CPSF2: variants seen among roughly 807,000 people sequenced by gnomAD.
CPSF2 encodes the protein cleavage and polyadenylation specificity factor subunit 2.
CPSF2 carries 51 observed loss-of-function variants against 84.2 expected under a neutral mutation model. The observed-to-expected ratio is 0.61, with a 90% CI of 0.48 to 0.77. CPSF2 has a LOEUF of 0.77. Among genes scored for constraint, CPSF2 ranks in the 30% least tolerant of loss-of-function variants. The pLI, the probability that CPSF2 is intolerant of heterozygous loss-of-function variation, is 0.00. For synonymous variants in CPSF2, 286 were observed against 311.9 expected (o/e 0.92, Z 0.87); for missense variants, 641 against 929.4 (o/e 0.69, Z 4.03).
chr14:92,125,266 C>T (rs886669942), intron 1 of CPSF2, among the ~76,000 whole-genome samples: 2 of 152,072 alleles, frequency 1.3e-5, no homozygotes, highest in East Asian at 1.9e-4. Context: ...ATGTGCAAAG[C>T]GTTCCTGAGG....
rs986396359 is a variant in CPSF2 at position 92,168,904 on chromosome 14, T to C, written c.*7160T>C. 3 of 152,178 alleles carry C rather than the reference T, an allele frequency of 2.0e-5. No individual in the cohort carries two copies. Among genetic ancestry groups the C allele is most frequent in the Non-Finnish European group, 4.4e-5 (3 of 68,022 alleles). The allele number at this position is 152,178 out of a possible 1,614,324, so 9.4% of individuals were successfully genotyped here. On this transcript the variant is annotated 3_prime_UTR_variant, in exon 16 of 16. Transcript: ENST00000298875. ...ATATAGTCAAAGAGAACCAAAAATG[T>C]ATGTGCTTTTTTTGTGAAATTGTTA... is the stretch of plus-strand genomic sequence containing the variant.
chr14:92,137,328 G>A (rs935981768), intron 6 of CPSF2, among the ~76,000 whole-genome samples: 1 of 151,946 alleles, frequency 6.6e-6, no homozygotes, highest in African/African-American at 2.4e-5. Flanking sequence ...TCCCATTTTA[G>A]CCTCCCAAGT....
At chr14:92,123,950 C>T (rs1325380875) in intron 1 of CPSF2, among the ~76,000 whole-genome samples, 1 of 152,198 alleles carries the variant, frequency 6.6e-6, no homozygotes, top group Non-Finnish European at 1.5e-5. Context: ...AAATAACTAA[C>T]TTTGCCTAGG....
chr14:92,161,300 C>T (rs1159237451), intron 15 of CPSF2, 54 bp downstream of exon 15: 1 of 1,526,894 alleles, frequency 6.5e-7, no homozygotes, highest in Non-Finnish European at 8.8e-7. Context: ...GATGTTTTGT[C>T]ATTTTGAAAT....
chr14:92,140,279 C>A (rs2069059067), intron 7 of CPSF2, among the ~76,000 whole-genome samples: 1 of 151,742 alleles, frequency 6.6e-6, no homozygotes, highest in Non-Finnish European at 1.5e-5. Flanking sequence ...TAATAATATA[C>A]CGTGTTGCAC....
chr14:92,163,371 T>TAAAC lies in CPSF2; in HGVS notation c.*1630_*1631insCAAA, dbSNP rs11474669. On this transcript the variant is annotated 3_prime_UTR_variant, in exon 16 of 16. Coordinates refer to ENST00000298875, the MANE Select transcript of CPSF2 (RefSeq NM_017437.3). ...CAGACTTTTGATATGGAAAACCAGA[T>TAAAC]AAAACAATGTTACAAAAGGCAAATA... 51,121 of 145,048 alleles carry TAAAC rather than the reference T, an allele frequency of 0.35. 9,894 individuals are homozygous for TAAAC. The highest frequency in any genetic ancestry group is 0.63 in the East Asian group (2,343 of 3,734). The allele number at this position is 145,048 out of a possible 1,614,324, so 9.0% of individuals were successfully genotyped here.
At chr14:92,141,653 A>G (rs1196095287) in intron 7 of CPSF2, among the ~76,000 whole-genome samples, 3 of 152,110 alleles carry the variant, frequency 2.0e-5, no homozygotes, top group Non-Finnish European at 4.4e-5. Context: ...GGACCTGGGC[A>G]TCTGATGGTT....
intron 6 of CPSF2, among the ~76,000 whole-genome samples, chr14:92,137,089 A>G (rs1191976515): frequency 6.6e-6 from 1 of 152,166 alleles, no homozygotes; most frequent in Non-Finnish European, 1.5e-5. Flanking sequence ...TATATATAAG[A>G]TCAAGTATTA....
intron 9 of CPSF2, among the ~76,000 whole-genome samples, chr14:92,150,998 C>T (rs1292746907): frequency 6.6e-6 from 1 of 152,148 alleles, no homozygotes; most frequent in Non-Finnish European, 1.5e-5. Context: ...AAAATATTGT[C>T]AACATTTGTA....
intron 1 of CPSF2, among the ~76,000 whole-genome samples, chr14:92,123,404 G>A (rs1017720327): frequency 2.0e-5 from 3 of 148,464 alleles, no homozygotes; most frequent in African/African-American, 7.5e-5. Context: ...GCGCCTGGCC[G>A]ATTTATTATT....
intron 9 of CPSF2, 34 bp downstream of exon 9, chr14:92,143,328 T>C: frequency 7.4e-7 from 1 of 1,342,690 alleles, no homozygotes; most frequent in Non-Finnish European, 1.0e-6. Context: ...ATCTTAAAAC[T>C]GTTTGGGGGA....
In CPSF2 at chr14:92,139,948, C is replaced by CT. The variant is rs1331887317; in HGVS notation, c.661+1602dup. Among the ~76,000 whole-genome samples, 457 of 115,796 alleles carry CT rather than the reference C, an allele frequency of 3.9e-3. 4 individuals carry two copies. The highest frequency in any genetic ancestry group is 0.029 in the East Asian group (79 of 2,722). 76.0% of individuals were successfully genotyped at this position (115,796 alleles called of 152,430 possible). A position where few individuals can be genotyped will look rare whatever the true frequency, so the allele number is the denominator to read the frequency against. On this transcript the variant is annotated intron_variant, in intron 7 of 15. Transcript: ENST00000298875. ...TAGTTCATCTACTTTAAAAGTACAA[C>CT]TATTTTTTTTTTTTTTTTTTTTTTG...
chr14:92,141,619 C>A (rs1458298344), intron 7 of CPSF2, among the ~76,000 whole-genome samples: 1 of 152,094 alleles, frequency 6.6e-6, no homozygotes, highest in African/African-American at 2.4e-5. Flanking sequence ...TGAGCCATTG[C>A]GCCTGGCCAC....
Position 92,143,153 on chromosome 14 carries a change from G to C in CPSF2, c.999G>C (p.Leu333=), listed in dbSNP as rs1476380903. 1 of 1,613,932 alleles carries C rather than the reference G, an allele frequency of 6.2e-7. No homozygotes were observed. Among genetic ancestry groups the C allele is most frequent in the Non-Finnish European group, 8.5e-7 (1 of 1,180,030 alleles). The part of the protein sequence containing the change: ...PKVVLASQPD[L]ECGFSRDLFI... ...TTGTACTTGCCAGCCAACCTGACCT[G>C]GAATGCGGATTTTCAAGGGATCTCT... The change falls in exon 9 of 16, where the codon CTG becomes CTC. Residue 333 remains leucine (L), a synonymous_variant. Coordinates refer to ENST00000298875, the MANE Select transcript of CPSF2 (RefSeq NM_017437.3).
rs2068774318 is a variant in CPSF2, at chr14:92,122,022, G to A, written c.-200G>A. 4.9e-6 allele frequency: 3 copies of A among 608,398 alleles called. No homozygotes were observed. The highest frequency in any genetic ancestry group is 2.9e-5 in the East Asian group (1 of 35,074). The allele number at this position is 608,398 out of a possible 1,614,324, so 37.7% of individuals were successfully genotyped here. A position where few individuals can be genotyped will look rare whatever the true frequency, so the allele number is the denominator to read the frequency against. Reference sequence around the variant, plus strand: ...GCCACTGTGGGGCTTCTGCCGGCCGGTAGTCCCTGGCGCTGCTGACCCAGC... The same window carrying A: ...GCCACTGTGGGGCTTCTGCCGGCCGATAGTCCCTGGCGCTGCTGACCCAGC... On this transcript the variant is annotated 5_prime_UTR_variant, in exon 1 of 16. Coordinates refer to ENST00000298875, the MANE Select transcript of CPSF2 (RefSeq NM_017437.3).
Position 92,155,048 on chromosome 14 carries a change from G to A in CPSF2, c.1242-75G>A, listed in dbSNP as rs950684733. The stretch of plus-strand genomic sequence containing the variant: ...ATTAATAATATTGAGTATGGATTCA[G>A]TAATAAATTGATAAATATTAATTTA... On this transcript the variant is annotated intron_variant, in intron 10 of 15. Transcript: ENST00000298875. The A allele has an allele frequency of 4.2e-6, 4 of 953,010 alleles. No homozygotes were observed. The Admixed American group carries it at 8.9e-5, about 21-fold the overall frequency. The allele number at this position is 953,010 out of a possible 1,614,324, so 59.0% of individuals were successfully genotyped here. A position where few individuals can be genotyped will look rare whatever the true frequency, so the allele number is the denominator to read the frequency against.
In CPSF2 at chr14:92,131,013, T is replaced by C. The variant is rs2068918642; in HGVS notation, c.29T>C (p.Leu10Pro). MTSIIKLTT[L>P]SGVQEESALC... is the part of the protein sequence containing the mutation. The stretch of plus-strand genomic sequence containing the variant: ...ACGTCTATTATCAAATTAACTACCC[T>C]TTCTGGGGTCCAAGAAGAATCTGCC... Residue 10 changes from leucine (L) to proline (P), a missense_variant, in exon 3 of 16, where the codon CTT becomes CCT. Transcript: ENST00000298875. 6.2e-7 allele frequency: 1 copy of C among 1,612,372 alleles called. No homozygotes were observed. Among genetic ancestry groups the C allele is most frequent in the Non-Finnish European group, 8.5e-7 (1 of 1,179,550 alleles).
intron 9 of CPSF2, among the ~76,000 whole-genome samples, chr14:92,145,758 G>A (rs2141469286): frequency 6.6e-6 from 1 of 152,178 alleles, no homozygotes; most frequent in Non-Finnish European, 1.5e-5. Flanking sequence ...GTTTAAGTTT[G>A]GAAAAAAATA....
Position 92,155,152 on chromosome 14 carries a change from A to T in CPSF2, c.1271A>T (p.Asp424Val), listed in dbSNP as rs760233017. The change falls in exon 11 of 16, where the codon GAT becomes GTT. Residue 424 changes from aspartate (D) to valine (V), a missense_variant. Transcript: ENST00000298875. Reference sequence around the variant, plus strand: ...GATATAGATTCCAGTGATGAGAGTGATATTGAGGAAGATATTGACCAGCCA... The same window carrying T: ...GATATAGATTCCAGTGATGAGAGTGTTATTGAGGAAGATATTGACCAGCCA... Reference protein sequence around the residue: ...EADIDSSDESDIEEDIDQPSA... With the variant: ...EADIDSSDESVIEEDIDQPSA... The T allele has an allele frequency of 6.8e-6, 11 of 1,613,826 alleles. No homozygotes were observed. Among genetic ancestry groups the T allele is most frequent in the Non-Finnish European group, 9.3e-6 (11 of 1,179,738 alleles).
Sources: allele counts gnomAD v4.1 joint callset (sites outside exome capture counted in the v4.1 genomes callset), GRCh38; gene constraint gnomAD v4.1.1; transcripts MANE v1.5; gene names NCBI Gene and HGNC (gene_info 2026-07-23, HGNC 2026-07-21).